COL6A3: variants seen among roughly 807,000 people sequenced by gnomAD.
COL6A3 encodes the protein collagen type VI alpha 3 chain.
COL6A3 carries 137 observed loss-of-function variants against 274.1 expected under a neutral mutation model. The ratio of observed to expected loss-of-function variants is 0.50; its 90% CI spans 0.44 to 0.58. The LOEUF (loss-of-function observed/expected upper bound fraction) is 0.58, where lower values mean the gene tolerates loss of function less well. Among genes scored for constraint, COL6A3 ranks in the 20% least tolerant of loss-of-function variants. The pLI, the probability that COL6A3 is intolerant of heterozygous loss-of-function variation, is 0.00. For missense variants in COL6A3, 3,950 were observed against 4,124.9 expected, an observed-to-expected ratio of 0.96 and a Z score of 1.16; for synonymous variants, 1,650 against 1,650.6, an observed-to-expected ratio of 1.00 and a Z score of 0.01.
At position 237,368,698 on chromosome 2, in the gene COL6A3, C is replaced by A; in HGVS notation, c.4765G>T (p.Asp1589Tyr). The change falls in exon 10 of 44, where the codon GAC becomes TAC. Residue 1589 changes from aspartate (D) to tyrosine (Y), a missense_variant. Asp to Tyr is a radical substitution (Grantham distance 160, BLOSUM62 -3). Coordinates refer to ENST00000295550, the MANE Select transcript of COL6A3 (RefSeq NM_004369.4). This position sits in a 1 kb window ranked among gnomAD's most constrained non-coding sequence, Gnocchi z 4.4. Reference protein sequence around the residue: ...DRTELQTITNDPRLVFTVREF... With the variant: ...DRTELQTITNYPRLVFTVREF... Reference sequence around the variant, plus strand: ...CGCACTGTGAAGACCAGTCTGGGGTCATTGGTGATGGTCTGCAGCTCTGTT... The same window carrying A: ...CGCACTGTGAAGACCAGTCTGGGGTAATTGGTGATGGTCTGCAGCTCTGTT... 1 of 1,614,088 alleles carries A rather than the reference C, an allele frequency of 6.2e-7. No homozygotes were observed. The highest frequency in any genetic ancestry group is 1.1e-5 in the South Asian group (1 of 91,078).
In COL6A3 at chr2:237,366,961, C is replaced by T; in HGVS notation, c.5226G>A (p.Arg1742=). ...VPEAGSRLDQ[R]VPQIAFVITG... ...TGATCACAAAGGCAATCTGAGGGAC[C>T]CGCTGGTCCAGGCGGCTGCCTGCCT... The change falls in exon 11 of 44, where the codon CGG becomes CGA. Residue 1742 remains arginine, a synonymous_variant. Coordinates refer to ENST00000295550, the MANE Select transcript of COL6A3 (RefSeq NM_004369.4). The T allele has an allele frequency of 1.2e-6, 2 of 1,614,264 alleles. No homozygotes were observed. Among genetic ancestry groups the T allele is most frequent in the Non-Finnish European group, 1.7e-6 (2 of 1,180,050 alleles).
intron 40 of COL6A3, among the ~76,000 whole-genome samples, chr2:237,335,758 C>T (rs1323315985): frequency 6.6e-6 from 1 of 152,210 alleles, no homozygotes; most frequent in African/African-American, 2.4e-5. Flanking sequence ...TGCCTTGCTG[C>T]CTAAGAACCA....
chr2:237,380,284 C>A (rs1480318876), intron 5 of COL6A3, among the ~76,000 whole-genome samples: 1 of 152,170 alleles, frequency 6.6e-6, no homozygotes, highest in Non-Finnish European at 1.5e-5. Context: ...TCATTAAGGG[C>A]AGTGAATTGT....
chr2:237,393,543 G>A (rs1259387281), intron 3 of COL6A3, among the ~76,000 whole-genome samples: 1 of 152,082 alleles, frequency 6.6e-6, no homozygotes, highest in Non-Finnish European at 1.5e-5. Context: ...CCTTTCTGGA[G>A]CTCAACTCTC....
At chr2:237,363,504 C>T (rs1292468348) in intron 13 of COL6A3, 106 bp from the exon 14 acceptor site, 2 of 1,294,414 alleles carry the variant, frequency 1.5e-6, no homozygotes, top group Admixed American at 1.9e-5. Context: ...TAAAATTTAG[C>T]TTTTAACTTA....
In COL6A3 at chr2:237,381,458, C is replaced by T. The variant is rs2078004517; in HGVS notation, c.1354G>A (p.Gly452Ser). The T allele has an allele frequency of 6.2e-7, 1 of 1,608,016 alleles. No individual in the cohort carries two copies. The highest frequency in any genetic ancestry group is 1.7e-5 in the Admixed American group (1 of 60,008). ...TTGGCCAGTCCCAGTGCAGATGAGCCATCCACCAGGAAGACTATGTCTCTC... is the reference window on the plus strand; with the variant it reads ...TTGGCCAGTCCCAGTGCAGATGAGCTATCCACCAGGAAGACTATGTCTCTC... ...NKRDIVFLVD[G>S]SSALGLANFN... Residue 452 changes from glycine to serine, a missense_variant, in exon 5 of 44, where the codon GGC (glycine) becomes AGC (serine). Gly to Ser is a moderately conservative substitution (Grantham distance 56, BLOSUM62 0). Transcript: ENST00000295550.
rs2076969107 is a variant in COL6A3, at chr2:237,340,726, G to A, written c.8190C>T (p.Ala2730=). Residue 2730 remains alanine (A), a synonymous_variant, in exon 38 of 44, where the codon GCC becomes GCT. Transcript: ENST00000295550. ...CAATTTTCAGGTCCCGTGGGTTTGG[G>A]GCACTTTCAAAGACATTCTCTATGG... is the stretch of plus-strand genomic sequence containing the variant. ...EYTIENVFES[A]PNPRDLKIVV... 1.2e-6 allele frequency: 2 copies of A among 1,614,128 alleles called. No individual in the cohort carries two copies. The highest frequency in any genetic ancestry group is 1.1e-5 in the South Asian group (1 of 91,080).
At chr2:237,409,691 C>T (rs541621873) in intron 1 of COL6A3, among the ~76,000 whole-genome samples, 1 of 152,192 alleles carries the variant, frequency 6.6e-6, no homozygotes, top group Non-Finnish European at 1.5e-5. Flanking sequence ...ATAATCATAG[C>T]TTGTGTGAAT....
intron 4 of COL6A3, among the ~76,000 whole-genome samples, chr2:237,385,115 C>G (rs1302587398): frequency 6.6e-6 from 1 of 152,194 alleles, no homozygotes; most frequent in Non-Finnish European, 1.5e-5. Context: ...CTTCCTATCA[C>G]AGCCCTGTTG....
chr2:237,362,239 T>C (rs1316928003), intron 14 of COL6A3, among the ~76,000 whole-genome samples: 1 of 152,112 alleles, frequency 6.6e-6, no homozygotes, highest in African/African-American at 2.4e-5. Context: ...AGAACAGATA[T>C]CCATGACCAC....
At chr2:237,355,876 T>C (rs892828653) in intron 23 of COL6A3, 1 of 152,254 alleles carries the variant, frequency 6.6e-6, no homozygotes, top group Admixed American at 6.5e-5. Flanking sequence ...CAATCTGGCC[T>C]GGCCCCTCCC....
intron 32 of COL6A3, 145 bp from the exon 33 acceptor site, chr2:237,345,358 T>A (rs1386539879): frequency 1.3e-6 from 1 of 750,824 alleles, no homozygotes; most frequent in African/African-American, 1.8e-5. Context: ...CTAAACCTGA[T>A]CTTATCCCTT....
At chr2:237,403,097 T>C (rs548833470) in intron 1 of COL6A3, among the ~76,000 whole-genome samples, 74 of 152,190 alleles carry the variant, frequency 4.9e-4, no homozygotes, top group African/African-American at 1.6e-3. Context: ...CAGAGAGTGA[T>C]TGAGGCTGCC....
intron 7 of COL6A3, among the ~76,000 whole-genome samples, chr2:237,376,476 T>A (rs141496705): frequency 0.017 from 2,646 of 152,304 alleles, 35 homozygotes; most frequent in Middle Eastern, 0.041. Flanking sequence ...AAACTGTTTT[T>A]AAAAAAGGAT....
intron 27 of COL6A3, among the ~76,000 whole-genome samples, chr2:237,350,542 T>A (rs1297501050): frequency 6.6e-6 from 1 of 152,184 alleles, no homozygotes; most frequent in Admixed American, 6.5e-5. Context: ...CATCGTGGAT[T>A]CACAGGAACT....
chr2:237,360,195 G>A (rs766296569), intron 16 of COL6A3, 36 bp from the exon 17 acceptor site: 4 of 1,600,348 alleles, frequency 2.5e-6, no homozygotes, highest in Non-Finnish European at 2.6e-6. Flanking sequence ...GCAAGCTGGA[G>A]CCCTTCATCA....
At position 237,344,460 on chromosome 2, in the gene COL6A3, T is replaced by A. The variant is rs144152285; in HGVS notation, c.7558A>T (p.Thr2520Ser). 41 of 1,614,050 alleles carry A rather than the reference T, an allele frequency of 2.5e-5. No individual in the cohort carries two copies. The highest frequency in any genetic ancestry group is 3.3e-5 in the Non-Finnish European group (39 of 1,180,032). Residue 2520 changes from threonine to serine, a missense_variant, in exon 36 of 44, where the codon ACA becomes TCA. Physicochemically the swap from Thr to Ser is moderately conservative, Grantham distance 58. Around this residue, in one of 5 missense-constraint regions of COL6A3, gnomAD observed 1,284 missense variants for 1,349.7 expected, o/e 0.95. Coordinates refer to ENST00000295550, the MANE Select transcript of COL6A3 (RefSeq NM_004369.4). The surrounding 1 kb of genome is among the most constrained non-coding windows in gnomAD (Gnocchi z 4.8). ...KVAVFFSNTP[T>S]RASPQLREAV... ...TCTCTGAGCTGTGGGGATGCTCTTG[T>A]GGGTGTGTTGCTGAAGAAAACAGCC...
chr2:237,365,743 C>A lies in COL6A3; in HGVS notation c.5793G>T (p.Lys1931Asn), dbSNP rs1485134143. The A allele has an allele frequency of 4.3e-6, 7 of 1,614,086 alleles. No individual in the cohort carries two copies. Among genetic ancestry groups the A allele is most frequent in the Non-Finnish European group, 5.9e-6 (7 of 1,180,048 alleles). The change falls in exon 12 of 44, where the codon AAG (lysine) becomes AAT (asparagine). Residue 1931 changes from lysine to asparagine, a missense_variant. By Grantham distance (94) the Lys-to-Asn change is moderately conservative. Transcript: ENST00000295550. The part of the protein sequence containing the change: ...HPYVLTEDTL[K>N]VYLNKFRQSS... ...ACTGTCTGAACTTGTTCAGGTAGAC[C>A]TTCAGGGTGTCCTCCGTGAGGACGT... is the stretch of plus-strand genomic sequence containing the variant.
chr2:237,378,084 G>A (rs1484009841), intron 6 of COL6A3, among the ~76,000 whole-genome samples: 1 of 152,160 alleles, frequency 6.6e-6, no homozygotes, highest in East Asian at 1.9e-4. Context: ...TGGTAGATCT[G>A]ATACAACCAT....
Sources: allele counts gnomAD v4.1 joint callset (sites outside exome capture counted in the v4.1 genomes callset), GRCh38; gene constraint gnomAD v4.1.1; regional missense constraint gnomAD v4.1.1; non-coding constraint Gnocchi (gnomAD v3.1); transcripts MANE v1.5; gene names NCBI Gene and HGNC (gene_info 2026-07-23, HGNC 2026-07-21).